The following PPP1R12A variants were observed in gnomAD, a reference collection of about 807,000 sequenced individuals.
PPP1R12A encodes protein phosphatase 1 regulatory subunit 12A.
In PPP1R12A, 19 loss-of-function variants were observed where a neutral mutation model predicts 139.6. That is an observed-to-expected ratio of 0.14 (90% confidence interval 0.09 to 0.20). The LOEUF (loss-of-function observed/expected upper bound fraction) is 0.20, where lower values mean the gene tolerates loss of function less well. Among genes scored for constraint, PPP1R12A ranks in the 10% least tolerant of loss-of-function variants. The probability of loss-of-function intolerance (pLI) is 1.00; values close to 1 mark genes in which losing one functional copy is unlikely to be tolerated. For missense variants in PPP1R12A, 925 were observed against 1,211.5 expected (o/e 0.76, Z 3.51); for synonymous variants, 427 against 420.6 (o/e 1.02, Z -0.19).
At chr12:79,789,716 A>G (rs1298081645) in intron 20 of PPP1R12A, 3 of 443,288 alleles carry the variant, frequency 6.8e-6, no homozygotes, top group Admixed American at 2.5e-5. Context: ...TGGAATGGAG[A>G]TCAAAATCAA....
intron 1 of PPP1R12A, among the ~76,000 whole-genome samples, chr12:79,912,794 T>C (rs1330586867): frequency 6.6e-6 from 1 of 152,178 alleles, no homozygotes; most frequent in Non-Finnish European, 1.5e-5. Flanking sequence ...AACATTTTTA[T>C]AACCAATCAC....
At chr12:79,782,017 AAAT>A (rs1870512936) in intron 22 of PPP1R12A, 155 bp from the exon 23 acceptor site, 1 of 439,062 alleles carries the variant, frequency 2.3e-6, no homozygotes, top group African/African-American at 2.0e-5. Context: ...ATTTGTATTA[AAAT>A]AATAAAGAGT....
intron 9 of PPP1R12A, among the ~76,000 whole-genome samples, chr12:79,812,286 C>T (rs762406197): frequency 6.6e-6 from 1 of 151,984 alleles, no homozygotes; most frequent in Non-Finnish European, 1.5e-5. Flanking sequence ...ACTATACCTC[C>T]TCCTCCATTA....
At chr12:79,862,463 T>C (rs1881449036) in intron 2 of PPP1R12A, among the ~76,000 whole-genome samples, 1 of 152,172 alleles carries the variant, frequency 6.6e-6, no homozygotes, top group Non-Finnish European at 1.5e-5. Context: ...GGGCAGAGAA[T>C]GAGTTCGACA....
At chr12:79,831,108 C>T (rs1219169778) in intron 4 of PPP1R12A, among the ~76,000 whole-genome samples, 1 of 151,774 alleles carries the variant, frequency 6.6e-6, no homozygotes, top group Non-Finnish European at 1.5e-5. Context: ...CTTTAAGAAA[C>T]AATTCTTACC....
chr12:79,812,605 A>C (rs1438375941), intron 9 of PPP1R12A, among the ~76,000 whole-genome samples: 1 of 151,924 alleles, frequency 6.6e-6, no homozygotes, highest in Non-Finnish European at 1.5e-5. Flanking sequence ...GCTTATTCTC[A>C]AATGTGTTAT....
chr12:79,825,190 C>G (rs1174583906), intron 5 of PPP1R12A: 1 of 152,016 alleles, frequency 6.6e-6, no homozygotes, highest in Non-Finnish European at 1.5e-5. Context: ...AAAATAAATT[C>G]AGATGGAATT....
chr12:79,840,966 G>T (rs977701184), intron 3 of PPP1R12A, among the ~76,000 whole-genome samples: 7 of 150,416 alleles, frequency 4.7e-5, no homozygotes, highest in African/African-American at 1.7e-4. Flanking sequence ...ATCCCGCCCT[G>T]ACTTTGAATC....
At chr12:79,871,341 T>C (rs1458887968) in intron 2 of PPP1R12A, among the ~76,000 whole-genome samples, 1 of 152,212 alleles carries the variant, frequency 6.6e-6, no homozygotes, top group Non-Finnish European at 1.5e-5. Flanking sequence ...CAATTAATAT[T>C]GTCTTTTCAA....
At chr12:79,933,251 T>A (rs912736453) in intron 1 of PPP1R12A, among the ~76,000 whole-genome samples, 17 of 152,226 alleles carry the variant, frequency 1.1e-4, no homozygotes, top group Non-Finnish European at 1.9e-4. Context: ...AATGTGTCAA[T>A]CATTTCAATA....
Position 79,784,224 on chromosome 12 carries a change from T to G in PPP1R12A, c.2907+2150A>C, listed in dbSNP as rs1241870534. ...GATAAATACCTGAAAGTTGAACCCC[T>G]GATTAAAGTTACTTTAATGCTTATC... On this transcript the variant is annotated intron_variant, in intron 22 of 24. Coordinates refer to ENST00000450142, the MANE Select transcript of PPP1R12A (RefSeq NM_002480.3). Among the ~76,000 whole-genome samples, 4 of 152,202 alleles carry G rather than the reference T, an allele frequency of 2.6e-5. No homozygotes were observed. The South Asian group carries it at 6.2e-4, about 24-fold the overall frequency.
chr12:79,935,022 T>G lies in PPP1R12A; in HGVS notation c.-91A>C. ...GGGGAGGCAGGGGGTGTGTGAATGT[T>G]TCTATGAGTGCGGGCCAGAGGAGGG... is the stretch of plus-strand genomic sequence containing the variant. On this transcript the variant is annotated 5_prime_UTR_variant, in exon 1 of 25. Transcript: ENST00000450142. 6.8e-7 allele frequency: 1 copy of G among 1,467,742 alleles called. No individual in the cohort carries two copies. Among genetic ancestry groups the G allele is most frequent in the East Asian group, 2.5e-5 (1 of 39,798 alleles). 90.9% of individuals were successfully genotyped at this position (1,467,742 alleles called of 1,614,324 possible).
At chr12:79,864,774 AGAAGTTAAATCTCT>A (rs1202278289) in intron 2 of PPP1R12A, among the ~76,000 whole-genome samples, 2 of 152,270 alleles carry the variant, frequency 1.3e-5, no homozygotes, top group Admixed American at 1.3e-4. Context: ...TAAACTAGGA[AGAAGTTAAATCTCT>A]GAACAGGACA....
chr12:79,841,533 A>T (rs946885357), intron 3 of PPP1R12A, among the ~76,000 whole-genome samples: 7 of 152,206 alleles, frequency 4.6e-5, no homozygotes, highest in African/African-American at 1.7e-4. Flanking sequence ...TAAATGAATC[A>T]TTAAAACTAA....
intron 1 of PPP1R12A, among the ~76,000 whole-genome samples, chr12:79,881,903 C>A (rs1045580121): frequency 6.6e-6 from 1 of 152,192 alleles, no homozygotes; most frequent in Non-Finnish European, 1.5e-5. Context: ...TAAATCTACT[C>A]TGCCAGTGCT....
At chr12:79,799,088 C>T (rs929465670) in intron 14 of PPP1R12A, among the ~76,000 whole-genome samples, 1 of 152,074 alleles carries the variant, frequency 6.6e-6, no homozygotes, top group Non-Finnish European at 1.5e-5. Flanking sequence ...TTATTCTCTA[C>T]CTACAGTATT....
At chr12:79,877,013 A>G (rs1171528965) in intron 1 of PPP1R12A, among the ~76,000 whole-genome samples, 2 of 100,392 alleles carry the variant, frequency 2.0e-5, no homozygotes, top group East Asian at 4.3e-4. Context: ...TCCATCTCAG[A>G]AAAAAAAAGG....
chr12:79,878,609 A>G (rs1433308719), intron 1 of PPP1R12A, among the ~76,000 whole-genome samples: 1 of 152,184 alleles, frequency 6.6e-6, no homozygotes, highest in African/African-American at 2.4e-5. Context: ...AGTTCCACAC[A>G]GCTGGGGTGG....
rs749460889 is a variant in PPP1R12A at position 79,806,290 on chromosome 12, C to G, written c.1699G>C (p.Val567Leu). 6.2e-6 allele frequency: 10 copies of G among 1,613,734 alleles called. 2 individuals are homozygous for G. The South Asian group carries it at 7.7e-5, about 12-fold the overall frequency. ...RRQDDLISSS[V>L]PSTTSTPTVT... ...GTTGGTGTTGATGTGGTGCTTGGAA[C>G]ACTAGAACTAATCAAATCATCTTGT... is the stretch of plus-strand genomic sequence containing the variant. The change falls in exon 13 of 25, where the codon GTT becomes CTT. Residue 567 changes from valine to leucine, a missense_variant. Val to Leu is a conservative substitution (Grantham distance 32). Transcript: ENST00000450142.
Sources: gnomAD v4.1 joint callset for allele counts (sites outside exome capture counted in the v4.1 genomes callset) on GRCh38, gnomAD v4.1.1 for gene constraint, MANE v1.5 for transcripts, NCBI Gene and HGNC (gene_info 2026-07-23, HGNC 2026-07-21) for gene names.